The following NKAIN3 variants were observed in gnomAD, a reference collection of about 807,000 sequenced individuals.
The protein encoded by NKAIN3 is sodium/potassium transporting ATPase interacting 3.
In NKAIN3, 25 loss-of-function variants were observed where a neutral mutation model predicts 30.2. The ratio of observed to expected loss-of-function variants is 0.83; its 90% CI spans 0.60 to 1.16. The LOEUF (loss-of-function observed/expected upper bound fraction) is 1.16, where lower values mean the gene tolerates loss of function less well. Ranked by LOEUF, NKAIN3 falls within the 50% of genes most tolerant of loss-of-function variation. NKAIN3 has a pLI of 0.00. For synonymous variants in NKAIN3, 91 were observed against 89.6 expected (o/e 1.02, Z -0.09); for missense variants, 225 against 254.1 (o/e 0.89, Z 0.78).
intron 5 of NKAIN3, among the ~76,000 whole-genome samples, chr8:62,933,201 A>T (rs1214144185): frequency 6.6e-6 from 1 of 152,190 alleles, no homozygotes; most frequent in Non-Finnish European, 1.5e-5. Context: ...TTTATAAAAG[A>T]GATCTCAGTG....
At chr8:62,481,918 T>G (rs966044625) in intron 1 of NKAIN3, among the ~76,000 whole-genome samples, 1 of 152,208 alleles carries the variant, frequency 6.6e-6, no homozygotes, top group African/African-American at 2.4e-5. Context: ...ATGCTGTGAA[T>G]GGTGGTTAGG....
At chr8:62,315,648 G>T (rs1814596039) in intron 1 of NKAIN3, among the ~76,000 whole-genome samples, 1 of 152,166 alleles carries the variant, frequency 6.6e-6, no homozygotes, top group Admixed American at 6.5e-5. Context: ...ACATCTTTCT[G>T]CCTTAGAGGC....
Position 62,970,089 on chromosome 8 carries a change from G to T in NKAIN3, c.*4682G>T, listed in dbSNP as rs1823800686. The stretch of plus-strand genomic sequence containing the variant: ...AAAAAATTTAAATTAGCCAAGCATG[G>T]TGGCATGTACCTATGACCCCAGCCA... On this transcript the variant is annotated 3_prime_UTR_variant, in exon 7 of 7. Transcript: ENST00000623646. Among the ~76,000 whole-genome samples the T allele has an allele frequency of 6.6e-6, 1 of 151,282 alleles. No homozygotes were observed. Among genetic ancestry groups the T allele is most frequent in the Non-Finnish European group, 1.5e-5 (1 of 67,964 alleles).
intron 1 of NKAIN3, among the ~76,000 whole-genome samples, chr8:62,538,004 A>T (rs571663991): frequency 1.3e-5 from 2 of 152,214 alleles, no homozygotes; most frequent in East Asian, 3.9e-4. Flanking sequence ...TTATCCCCAG[A>T]GTCTGGGGTC....
chr8:62,506,248 C>A (rs1807634900), intron 1 of NKAIN3, among the ~76,000 whole-genome samples: 1 of 142,348 alleles, frequency 7.0e-6, no homozygotes, highest in Non-Finnish European at 1.5e-5. Flanking sequence ...GACATTATTT[C>A]ACCTGCCATA....
rs924759378 is a variant in NKAIN3 at position 62,965,505 on chromosome 8, T to C, written c.*98T>C. The stretch of plus-strand genomic sequence containing the variant: ...TGCTTCCTGGCTTTCCCACGAATCA[T>C]GGAGCATTTTGGTCACAGCCTTTGT... On this transcript the variant is annotated 3_prime_UTR_variant, in exon 7 of 7. Transcript: ENST00000623646. 41 of 985,390 alleles carry C rather than the reference T, an allele frequency of 4.2e-5. No homozygotes were observed. The highest frequency in any genetic ancestry group is 4.7e-5 in the Non-Finnish European group (39 of 829,884). The allele number at this position is 985,390 out of a possible 1,614,324, so 61.0% of individuals were successfully genotyped here. A position where few individuals can be genotyped will look rare whatever the true frequency, so the allele number is the denominator to read the frequency against.
intron 3 of NKAIN3, among the ~76,000 whole-genome samples, chr8:62,744,092 T>C (rs79343685): frequency 0.026 from 3,998 of 152,194 alleles, 186 homozygotes; most frequent in African/African-American, 0.092. Flanking sequence ...ATGGCCTGCC[T>C]TGGGGAGAAA....
At chr8:62,305,308 C>CAAA (rs1215930695) in intron 1 of NKAIN3, among the ~76,000 whole-genome samples, 1 of 150,152 alleles carries the variant, frequency 6.7e-6, no homozygotes, top group Non-Finnish European at 1.5e-5. Context: ...ACAGATCATT[C>CAAA]AACAGAAATT....
chr8:62,458,871 C>T (rs923634437), intron 1 of NKAIN3, among the ~76,000 whole-genome samples: 4 of 152,122 alleles, frequency 2.6e-5, no homozygotes, highest in African/African-American at 7.2e-5. Flanking sequence ...GCTGTAGGGA[C>T]GAGTCTATTT....
intron 4 of NKAIN3, among the ~76,000 whole-genome samples, chr8:62,766,137 T>A (rs543263837): frequency 6.6e-6 from 1 of 152,286 alleles, no homozygotes; most frequent in South Asian, 2.1e-4. Context: ...CACAGTCCTA[T>A]GCTGATGATT....
chr8:62,918,727 G>A (rs1028736457), intron 5 of NKAIN3, among the ~76,000 whole-genome samples: 16 of 152,256 alleles, frequency 1.1e-4, no homozygotes, highest in Non-Finnish European at 7.4e-5. Flanking sequence ...GTGAGAGCAC[G>A]TGCAGAGACT....
intron 1 of NKAIN3, among the ~76,000 whole-genome samples, chr8:62,354,483 A>G (rs147282813): frequency 0.04 from 6,117 of 152,212 alleles, 442 homozygotes; most frequent in African/African-American, 0.14. Context: ...AGTCTCTGTC[A>G]TGCAGGCTGG....
At chr8:62,314,059 T>A (rs1814535567) in intron 1 of NKAIN3, among the ~76,000 whole-genome samples, 1 of 152,132 alleles carries the variant, frequency 6.6e-6, no homozygotes, top group Non-Finnish European at 1.5e-5. Flanking sequence ...ATTATAAACA[T>A]CCTACAGTGG....
chr8:62,740,478 T>C (rs1191237537), intron 3 of NKAIN3, among the ~76,000 whole-genome samples: 3 of 152,136 alleles, frequency 2.0e-5, no homozygotes, highest in Non-Finnish European at 4.4e-5. Flanking sequence ...AAATGATTAT[T>C]GTTAGAAGTT....
chr8:62,581,110 T>TATAAAATAAAATAAAATAAAATAAA lies in NKAIN3; in HGVS notation c.192+1471_192+1495dup, dbSNP rs71559376. On this transcript the variant is annotated intron_variant, in intron 2 of 6. Transcript: ENST00000623646. The stretch of plus-strand genomic sequence containing the variant: ...AGAGAGAAACCTTGTCTCAAAAAAA[T>TATAAAATAAAATAAAATAAAATAAA]ATAAAATAAAATAAAATAAAATAAA... Among the ~76,000 whole-genome samples, 1,129 of 114,306 alleles carry TATAAAATAAAATAAAATAAAATAAA rather than the reference T, an allele frequency of 9.9e-3. 27 individuals carry two copies. Among genetic ancestry groups the TATAAAATAAAATAAAATAAAATAAA allele is most frequent in the African/African-American group, 0.023 (626 of 27,002 alleles). The allele number at this position is 114,306 out of a possible 152,430, so 75.0% of individuals were successfully genotyped here.
At chr8:62,654,169 C>CAAAA (rs34220873) in intron 3 of NKAIN3, among the ~76,000 whole-genome samples, 1 of 147,174 alleles carries the variant, frequency 6.8e-6, no homozygotes. Context: ...TAAAATAATG[C>CAAAA]AAAAAAAAAC....
At chr8:62,487,645 G>C (rs527251890) in intron 1 of NKAIN3, among the ~76,000 whole-genome samples, 8 of 151,976 alleles carry the variant, frequency 5.3e-5, no homozygotes, top group Non-Finnish European at 1.0e-4. Flanking sequence ...TTGAATATCT[G>C]CACTGTAAAA....
At chr8:62,339,921 GGA>G (rs1674438594) in intron 1 of NKAIN3, among the ~76,000 whole-genome samples, 1 of 152,002 alleles carries the variant, frequency 6.6e-6, no homozygotes, top group Non-Finnish European at 1.5e-5. Context: ...TCAGAATTGA[GGA>G]GAGAAATGGG....
Position 62,978,726 on chromosome 8 carries a change from G to A in NKAIN3, c.*13319G>A, listed in dbSNP as rs1824004855. 1 of 153,122 alleles carries A rather than the reference G, an allele frequency of 6.5e-6. No homozygotes were observed. The highest frequency in any genetic ancestry group is 1.9e-4 in the East Asian group (1 of 5,172). 9.5% of individuals were successfully genotyped at this position (153,122 alleles called of 1,614,324 possible). On this transcript the variant is annotated 3_prime_UTR_variant, in exon 7 of 7. Coordinates refer to ENST00000623646, the MANE Select transcript of NKAIN3 (RefSeq NM_001304533.3). ...AGCCCCCTTTCCAGGGGAGTGAATGGTTCTGTCTCTCTGGCATTCCAGACA... is the reference window on the plus strand; with the variant it reads ...AGCCCCCTTTCCAGGGGAGTGAATGATTCTGTCTCTCTGGCATTCCAGACA...
Sources: gnomAD v4.1 joint callset for allele counts (sites outside exome capture counted in the v4.1 genomes callset) on GRCh38, gnomAD v4.1.1 for gene constraint, MANE v1.5 for transcripts, NCBI Gene and HGNC (gene_info 2026-07-23, HGNC 2026-07-21) for gene names.